NFATC2: variants seen among roughly 807,000 people sequenced by gnomAD.
The protein encoded by NFATC2 is nuclear factor of activated T cells 2, also known as nuclear factor of activated T-cells, cytoplasmic 2.
NFATC2 carries 22 observed loss-of-function variants against 87.3 expected under a neutral mutation model. The ratio of observed to expected loss-of-function variants is 0.25; its 90% CI spans 0.18 to 0.36. The LOEUF is 0.36. NFATC2 is among the 10% of genes least tolerant of loss of function. The pLI, the probability that NFATC2 is intolerant of heterozygous loss-of-function variation, is 1.00. For missense variants in NFATC2, 1,149 were observed against 1,259.1 expected, an observed-to-expected ratio of 0.91 and a Z score of 1.32; for synonymous variants, 565 against 542.2, an observed-to-expected ratio of 1.04 and a Z score of -0.58.
rs549089100 is a variant in NFATC2, at chr20:51,488,667, A to G, written c.1333-13007T>C. Among the ~76,000 whole-genome samples the G allele has an allele frequency of 3.9e-5, 6 of 152,256 alleles. No homozygotes were observed. In the South Asian group the frequency reaches 8.3e-4, roughly 21 times the overall value. ...AGTGTTGTTCAACGGGACCTTCAAG[A>G]AACACCCCAGATCCTCCCACTTTTC... On this transcript the variant is annotated intron_variant, in intron 3 of 10. Transcript: ENST00000371564.
At chr20:51,394,638 T>C (rs966998736) in intron 10 of NFATC2, among the ~76,000 whole-genome samples, 22 of 150,448 alleles carry the variant, frequency 1.5e-4, no homozygotes, top group African/African-American at 5.0e-4. Context: ...TGGGAAGTAC[T>C]CAATAACATT....
At chr20:51,487,429 A>G (rs1049390089) in intron 3 of NFATC2, among the ~76,000 whole-genome samples, 1 of 152,234 alleles carries the variant, frequency 6.6e-6, no homozygotes, top group Non-Finnish European at 1.5e-5. Flanking sequence ...GCAAACCACC[A>G]TGGCACATGT....
At chr20:51,438,510 G>A (rs1368964205) in intron 6 of NFATC2, among the ~76,000 whole-genome samples, 1 of 151,514 alleles carries the variant, frequency 6.6e-6, no homozygotes, top group Non-Finnish European at 1.5e-5. Context: ...AATAGTAGCT[G>A]GAAATGTGGT....
chr20:51,443,882 G>C (rs533842666), intron 6 of NFATC2, among the ~76,000 whole-genome samples: 29 of 152,056 alleles, frequency 1.9e-4, no homozygotes, highest in Middle Eastern at 6.8e-3. Flanking sequence ...TTGGGCAAAA[G>C]GGTTAGGTCT....
rs565674358 is a variant in NFATC2, at chr20:51,391,469, A to AT, written c.*45-19_*45-18insA. 3 of 1,089,012 alleles carry AT rather than the reference A, an allele frequency of 2.8e-6. No homozygotes were observed. The highest frequency in any genetic ancestry group is 1.7e-5 in the African/African-American group (1 of 57,576). The allele number at this position is 1,089,012 out of a possible 1,614,324, so 67.5% of individuals were successfully genotyped here. On this transcript the variant is annotated intron_variant, in intron 10 of 10. Coordinates refer to ENST00000371564, the MANE Select transcript of NFATC2 (RefSeq NM_012340.5). ...TTCATTAACTACAAAAGAAAAGAGG[A>AT]GGGGGGGGGAGAGAGAATGGGGCAA...
intron 9 of NFATC2, among the ~76,000 whole-genome samples, chr20:51,419,418 GTGCCCTCCTTCCTCTT>G (rs1980547829): frequency 1.3e-5 from 2 of 152,168 alleles, no homozygotes; most frequent in Non-Finnish European, 2.9e-5. Context: ...AGGAAAGGGC[GTGCCCTCCTTCCTCTT>G]TTTTCCCATC....
At chr20:51,513,647 C>T (rs1308646674) in intron 3 of NFATC2, among the ~76,000 whole-genome samples, 1 of 152,218 alleles carries the variant, frequency 6.6e-6, no homozygotes, top group African/African-American at 2.4e-5. Context: ...AGGGCCCCAG[C>T]CCCTGATGAA....
chr20:51,532,516 A>G (rs1228926990), intron 1 of NFATC2, among the ~76,000 whole-genome samples: 4 of 152,150 alleles, frequency 2.6e-5, no homozygotes, highest in African/African-American at 9.7e-5. Context: ...GAATGTTCAC[A>G]GTCTCTCCTT....
intron 3 of NFATC2, among the ~76,000 whole-genome samples, chr20:51,483,076 C>A (rs1989400280): frequency 1.3e-5 from 2 of 152,194 alleles, no homozygotes; most frequent in Admixed American, 1.3e-4. Context: ...TTCCCGCAAC[C>A]CAGCCCCAGC....
At chr20:51,543,688 A>C (rs1162936759), upstream of NFATC2, among the ~76,000 whole-genome samples, 1 of 152,160 alleles carries the variant, frequency 6.6e-6, no homozygotes, top group Non-Finnish European at 1.5e-5. Flanking sequence ...CATAAGTCTG[A>C]ATACAGACTC....
chr20:51,474,957 A>G (rs1009817507), intron 4 of NFATC2, among the ~76,000 whole-genome samples: 8 of 149,766 alleles, frequency 5.3e-5, no homozygotes, highest in Non-Finnish European at 1.2e-4. Context: ...ATACTGACAT[A>G]TTATACTTTA....
intron 9 of NFATC2, among the ~76,000 whole-genome samples, chr20:51,408,605 T>A (rs1250576334): frequency 6.6e-6 from 1 of 150,432 alleles, no homozygotes; most frequent in Non-Finnish European, 1.5e-5. Context: ...ATCTTCTGAA[T>A]AGATGGTTGG....
intron 5 of NFATC2, among the ~76,000 whole-genome samples, chr20:51,458,993 G>A (rs1390688765): frequency 5.3e-5 from 8 of 152,250 alleles, no homozygotes; most frequent in Middle Eastern, 3.4e-3. Flanking sequence ...TCCCTGCTCT[G>A]TGACCCTGGG....
rs532087035 is a variant in NFATC2, at chr20:51,476,752, AAGTG to A, written c.1333-1096_1333-1093del. 2.0e-4 allele frequency among the ~76,000 whole-genome samples: 30 copies of A among 152,346 alleles called. No individual in the cohort carries two copies. The East Asian group carries it at 3.3e-3, about 17-fold the overall frequency. On this transcript the variant is annotated intron_variant, in intron 3 of 10. Coordinates refer to ENST00000371564, the MANE Select transcript of NFATC2 (RefSeq NM_012340.5). Reference sequence around the variant, plus strand: ...TTAATAAGGCTATCCAACAGAAAAAAAGTGAGTAAGATATTTGAACAGGAAATTC... The same window carrying A: ...TTAATAAGGCTATCCAACAGAAAAAAAGTAAGATATTTGAACAGGAAATTC...
At chr20:51,505,780 G>T (rs920751108) in intron 3 of NFATC2, among the ~76,000 whole-genome samples, 2 of 152,040 alleles carry the variant, frequency 1.3e-5, no homozygotes, top group African/African-American at 4.8e-5. Flanking sequence ...CAAGAGCTGC[G>T]CACAGAACAC....
chr20:51,421,805 C>T lies in NFATC2; in HGVS notation c.2722+10262G>A, dbSNP rs149596425. Among the ~76,000 whole-genome samples the T allele has an allele frequency of 6.6e-4, 101 of 152,260 alleles. 1 individual carries two copies. Among genetic ancestry groups the T allele is most frequent in the Middle Eastern group, 6.8e-3 (2 of 294 alleles). On this transcript the variant is annotated intron_variant, in intron 9 of 10. Transcript: ENST00000371564. The stretch of plus-strand genomic sequence containing the variant: ...GTGGGCCAAACAAAATATCTGCGGG[C>T]GAAATGCAGCCCATGGAGCACCAGT...
At chr20:51,505,763 T>C (rs1397623467) in intron 3 of NFATC2, among the ~76,000 whole-genome samples, 1 of 152,040 alleles carries the variant, frequency 6.6e-6, no homozygotes, top group Non-Finnish European at 1.5e-5. Context: ...GTGGCATCGT[T>C]TGAGGACAAG....
At position 51,432,338 on chromosome 20, in the gene NFATC2, G is replaced by A. The variant is rs766642309; in HGVS notation, c.2451C>T (p.Asn817=). Residue 817 remains asparagine, a synonymous_variant, in exon 9 of 11, where the codon AAC becomes AAT. Transcript: ENST00000371564. This position sits in a 1 kb window ranked among gnomAD's most constrained non-coding sequence, Gnocchi z 4.6. ...GGTGGCTTCCGCAGCGCAGCTGCTGGTTGGTGGGTGAGTAGTGGATCACAG... is the reference window on the plus strand; with the variant it reads ...GGTGGCTTCCGCAGCGCAGCTGCTGATTGGTGGGTGAGTAGTGGATCACAG... ...ASPVIHYSPT[N]QQLRCGSHQE... The A allele has an allele frequency of 5.0e-6, 8 of 1,614,180 alleles. No homozygotes were observed. Among genetic ancestry groups the A allele is most frequent in the Non-Finnish European group, 4.2e-6 (5 of 1,180,030 alleles).
At chr20:51,448,903 A>G (rs1241441867) in intron 6 of NFATC2, among the ~76,000 whole-genome samples, 9 of 152,208 alleles carry the variant, frequency 5.9e-5, no homozygotes, top group Non-Finnish European at 1.2e-4. Flanking sequence ...TATTGCTGCT[A>G]TAAATAAGAT....
Sources: allele counts gnomAD v4.1 joint callset (sites outside exome capture counted in the v4.1 genomes callset), GRCh38; gene constraint gnomAD v4.1.1; non-coding constraint Gnocchi (gnomAD v3.1); transcripts MANE v1.5; gene names NCBI Gene and HGNC (gene_info 2026-07-23, HGNC 2026-07-21).